The following AGTPBP1 variants were observed in gnomAD, a reference collection of about 807,000 sequenced individuals.
The protein encoded by AGTPBP1 is ATP/GTP binding carboxypeptidase 1.
A neutral mutation model predicts 143.9 loss-of-function variants in AGTPBP1; 70 were observed. The ratio of observed to expected loss-of-function variants is 0.49; its 90% CI spans 0.40 to 0.59. The LOEUF (loss-of-function observed/expected upper bound fraction) is 0.59. AGTPBP1 is among the 20% of genes least tolerant of loss of function. The pLI is 0.00. For missense variants in AGTPBP1, 1,229 were observed against 1,464.5 expected, an observed-to-expected ratio of 0.84 and a Z score of 2.62; for synonymous variants, 463 against 500.2, an observed-to-expected ratio of 0.93 and a Z score of 0.99.
chr9:85,663,267 G>A (rs1833945898), intron 8 of AGTPBP1, among the ~76,000 whole-genome samples: 1 of 152,106 alleles, frequency 6.6e-6, no homozygotes, highest in Admixed American at 6.6e-5. Flanking sequence ...CATCCAAAAG[G>A]ACTGCAGAAC....
chr9:85,769,553 T>G, the AGTPBP1 span, among the ~76,000 whole-genome samples: 1 of 151,240 alleles, frequency 6.6e-6, no homozygotes, highest in African/African-American at 2.4e-5. Flanking sequence ...AAAAAAGAAC[T>G]TGTAGGTTTT....
the AGTPBP1 span, among the ~76,000 whole-genome samples, chr9:85,794,573 C>T: frequency 6.6e-6 from 1 of 152,148 alleles, no homozygotes; most frequent in Non-Finnish European, 1.5e-5. Context: ...ATCTTGAAGT[C>T]GAAGTGTGAA....
At chr9:85,556,696 T>G (rs1403213453) in intron 25 of AGTPBP1, among the ~76,000 whole-genome samples, 2 of 152,174 alleles carry the variant, frequency 1.3e-5, no homozygotes, top group African/African-American at 4.8e-5. Flanking sequence ...CAAAGCTGGC[T>G]TTAAAGCAAG....
In AGTPBP1 at chr9:85,660,968, G is replaced by A; in HGVS notation, c.668C>T (p.Ala223Val). The A allele has an allele frequency of 6.3e-7, 1 of 1,595,746 alleles. No individual in the cohort carries two copies. The highest frequency in any genetic ancestry group is 8.5e-7 in the Non-Finnish European group (1 of 1,172,692). Residue 223 changes from alanine (A) to valine (V), a missense_variant, in exon 9 of 26, where the codon GCT becomes GTT. This residue lies in a region of AGTPBP1 where 743 missense variants were observed against 812.2 expected (regional missense o/e 0.91). Transcript: ENST00000357081. ...SKKNSSLIKV[A>V]LDTLAALLKS... ...TAGCAATGCAGCAAGAGTGTCTAAAGCAACCCTGTCAACACAACAAGAAAA... is the reference window on the plus strand; with the variant it reads ...TAGCAATGCAGCAAGAGTGTCTAAAACAACCCTGTCAACACAACAAGAAAA...
intron 1 of AGTPBP1, among the ~76,000 whole-genome samples, chr9:85,740,468 A>T (rs1422546458): frequency 6.6e-6 from 1 of 152,252 alleles, no homozygotes; most frequent in Non-Finnish European, 1.5e-5. Flanking sequence ...TAGGAAATAC[A>T]GATCTTTCAG....
chr9:85,619,419 AT>A, intron 15 of AGTPBP1, 118 bp from the exon 16 acceptor site: 1 of 682,528 alleles, frequency 1.5e-6, no homozygotes, highest in Non-Finnish European at 2.4e-6. Context: ...CTTCCTCATT[AT>A]TTTTAAACTA....
chr9:85,571,853 T>C (rs1827486288), intron 25 of AGTPBP1, among the ~76,000 whole-genome samples: 1 of 152,060 alleles, frequency 6.6e-6, no homozygotes, highest in African/African-American at 2.4e-5. Flanking sequence ...CAGAAGTATG[T>C]AAAAAATTCA....
In AGTPBP1 at chr9:85,589,516, A is replaced by C. The variant is rs766349402; in HGVS notation, c.2722+12T>G. 5.6e-6 allele frequency: 9 copies of C among 1,596,380 alleles called. No individual in the cohort carries two copies. The highest frequency in any genetic ancestry group is 7.7e-6 in the Non-Finnish European group (9 of 1,173,238). ...GAATGACTGCTATTGTGAGTTGGGA[A>C]GACAAACTTACTGAAATGGCAGATA... On this transcript the variant is annotated intron_variant, in intron 20 of 25. Coordinates refer to ENST00000357081, the MANE Select transcript of AGTPBP1 (RefSeq NM_001330701.2).
At chr9:85,708,319 CTA>C (rs999244672) in intron 2 of AGTPBP1, among the ~76,000 whole-genome samples, 1 of 151,968 alleles carries the variant, frequency 6.6e-6, no homozygotes, top group Non-Finnish European at 1.5e-5. Context: ...GATCATCTCT[CTA>C]CATCAAGATG....
chr9:85,569,261 G>C (rs1827303469), intron 25 of AGTPBP1, among the ~76,000 whole-genome samples: 1 of 151,766 alleles, frequency 6.6e-6, no homozygotes, highest in African/African-American at 2.4e-5. Context: ...AAGAGAAGGA[G>C]GTAAAGATAA....
At chr9:85,633,614 G>C (rs965862230) in intron 13 of AGTPBP1, among the ~76,000 whole-genome samples, 1 of 152,010 alleles carries the variant, frequency 6.6e-6, no homozygotes, top group Admixed American at 6.5e-5. Flanking sequence ...ATTCTAAACA[G>C]AAAAACATAA....
intron 2 of AGTPBP1, among the ~76,000 whole-genome samples, chr9:85,705,387 AGCCAGGTAGCCAAGAGTGGTG>A (rs1362478172): frequency 6.6e-6 from 1 of 152,150 alleles, no homozygotes; most frequent in Middle Eastern, 3.2e-3. Context: ...AAAAGCAGGC[AGCCAGGTAGCCAAGAGTGGTG>A]GCTCACACCG....
chr9:85,621,054 T>A (rs1034186518), intron 15 of AGTPBP1, 148 bp downstream of exon 15: 1 of 370,048 alleles, frequency 2.7e-6, no homozygotes, highest in Non-Finnish European at 4.6e-6. Flanking sequence ...CCTAATTAAG[T>A]CACAACTAGT....
At chr9:85,709,372 AG>A (rs1837220632) in intron 2 of AGTPBP1, among the ~76,000 whole-genome samples, 1 of 152,232 alleles carries the variant, frequency 6.6e-6, no homozygotes, top group South Asian at 2.1e-4. Flanking sequence ...AAATGTTTAA[AG>A]GTAAAAGAAT....
chr9:85,724,722 T>C (rs963312182), intron 1 of AGTPBP1, among the ~76,000 whole-genome samples: 1 of 152,226 alleles, frequency 6.6e-6, no homozygotes, highest in Non-Finnish European at 1.5e-5. Flanking sequence ...TTTAACAATG[T>C]GTTATGCCTA....
At chr9:85,687,327 A>T (rs1159198725) in intron 3 of AGTPBP1, among the ~76,000 whole-genome samples, 1 of 152,212 alleles carries the variant, frequency 6.6e-6, no homozygotes, top group Non-Finnish European at 1.5e-5. Flanking sequence ...CTGGGCAGAA[A>T]ATCAACAGTG....
intron 18 of AGTPBP1, among the ~76,000 whole-genome samples, chr9:85,593,159 T>C (rs987968822): frequency 6.6e-6 from 1 of 152,152 alleles, no homozygotes; most frequent in Non-Finnish European, 1.5e-5. Flanking sequence ...TGTGATGCAA[T>C]GGGAATTCAT....
intron 25 of AGTPBP1, among the ~76,000 whole-genome samples, chr9:85,562,932 G>A (rs1046104223): frequency 6.6e-6 from 1 of 152,024 alleles, no homozygotes; most frequent in African/African-American, 2.4e-5. Flanking sequence ...CTCTTGAATG[G>A]GATTAGTGCC....
At chr9:85,630,189 T>C (rs1204270216) in intron 14 of AGTPBP1, among the ~76,000 whole-genome samples, 1 of 152,040 alleles carries the variant, frequency 6.6e-6, no homozygotes, top group East Asian at 1.9e-4. Flanking sequence ...TCCAGGTGGG[T>C]CGTTCAGATT....
Sources: gnomAD v4.1 joint callset for allele counts (sites outside exome capture counted in the v4.1 genomes callset) on GRCh38, gnomAD v4.1.1 for gene constraint, gnomAD v4.1.1 regional missense constraint, MANE v1.5 for transcripts, NCBI Gene and HGNC (gene_info 2026-07-23, HGNC 2026-07-21) for gene names.